Variants in CEP83 observed in about 807,000 individuals in gnomAD.
CEP83 encodes centrosomal protein of 83 kDa.
In CEP83, 70 loss-of-function variants were observed where a neutral mutation model predicts 101.9. That is an observed-to-expected ratio of 0.69 (90% CI 0.57 to 0.84). The LOEUF (loss-of-function observed/expected upper bound fraction) is 0.84. CEP83 is among the 40% of genes least tolerant of loss of function. CEP83 has a pLI of 0.00. For missense variants in CEP83, 715 were observed against 787.2 expected (o/e 0.91, Z 1.10); for synonymous variants, 264 against 267.9 (o/e 0.99, Z 0.14).
At chr12:94,347,333 T>C (rs2059989136) in intron 11 of CEP83, among the ~76,000 whole-genome samples, 1 of 151,808 alleles carries the variant, frequency 6.6e-6, no homozygotes, top group African/African-American at 2.4e-5. Context: ...ACAGAGACAA[T>C]AAAATTAAGA....
rs536880506 is a variant in CEP83 at position 94,331,639 on chromosome 12, T to C, written c.1707+61A>G. The C allele has an allele frequency of 1.2e-3, 1,787 of 1,529,768 alleles. 18 individuals are homozygous for C. Among genetic ancestry groups the C allele is most frequent in the Admixed American group, 1.0e-3 (60 of 58,618 alleles). 94.8% of individuals were successfully genotyped at this position (1,529,768 alleles called of 1,614,324 possible). On this transcript the variant is annotated intron_variant, in intron 14 of 16. Coordinates refer to ENST00000397809, the MANE Select transcript of CEP83 (RefSeq NM_016122.3). The stretch of plus-strand genomic sequence containing the variant: ...CACCTGCCTCCGCCTCCCAAAGTGC[T>C]GGGATTACAGGTGTGAGCCACCATG...
chr12:94,348,584 G>A (rs1480953681), intron 11 of CEP83, among the ~76,000 whole-genome samples: 1 of 152,090 alleles, frequency 6.6e-6, no homozygotes, highest in Non-Finnish European at 1.5e-5. Flanking sequence ...TGGCTGGATG[G>A]AGAAGAAGCT....
intron 2 of CEP83, among the ~76,000 whole-genome samples, chr12:94,434,314 T>C (rs1203775735): frequency 6.6e-6 from 1 of 152,196 alleles, no homozygotes; most frequent in Non-Finnish European, 1.5e-5. Context: ...AAAATGTTTA[T>C]ACACAAAAAA....
the CEP83 span, chr12:94,298,559 C>G: frequency 3.3e-6 from 4 of 1,194,234 alleles, no homozygotes; most frequent in Non-Finnish European, 4.7e-6. Context: ...TGTGGATTTG[C>G]TTTTGCTATT....
intron 2 of CEP83, chr12:94,424,707 C>T (rs1009367197): frequency 8.5e-5 from 136 of 1,608,684 alleles, no homozygotes; most frequent in Admixed American, 3.5e-4. Flanking sequence ...TTGTCCAGTA[C>T]GGCCTTAGTG....
At chr12:94,450,492 T>G (rs752484328) in intron 1 of CEP83, among the ~76,000 whole-genome samples, 2 of 152,188 alleles carry the variant, frequency 1.3e-5, no homozygotes, top group Non-Finnish European at 2.9e-5. Flanking sequence ...GACCTCGTGA[T>G]CCACCTGCCT....
chr12:94,437,899 T>C (rs187470753), intron 1 of CEP83, among the ~76,000 whole-genome samples: 301 of 152,314 alleles, frequency 2.0e-3, no homozygotes, highest in Middle Eastern at 3.4e-3. Flanking sequence ...TGATGTTGAA[T>C]GTAAATTGCC....
intron 14 of CEP83, among the ~76,000 whole-genome samples, chr12:94,314,164 C>G (rs1970304856): frequency 6.6e-6 from 1 of 151,984 alleles, no homozygotes; most frequent in Non-Finnish European, 1.5e-5. Context: ...AGAAAAACAC[C>G]TAAAATGTTA....
intron 6 of CEP83, among the ~76,000 whole-genome samples, chr12:94,390,305 A>G (rs73218254): frequency 0.17 from 25,704 of 151,974 alleles, 2,271 homozygotes; most frequent in African/African-American, 0.21. Context: ...CTGTTCTGTG[A>G]CGTCTGCTGG....
intron 2 of CEP83, among the ~76,000 whole-genome samples, chr12:94,413,129 CAGGCGTG>C (rs1313038520): frequency 6.6e-6 from 1 of 152,254 alleles, no homozygotes; most frequent in Non-Finnish European, 1.5e-5. Context: ...GCTGGGATTA[CAGGCGTG>C]AGCCACCACG....
chr12:94,449,803 A>G (rs2067113325), intron 1 of CEP83, among the ~76,000 whole-genome samples: 1 of 147,360 alleles, frequency 6.8e-6, no homozygotes, highest in Non-Finnish European at 1.5e-5. Context: ...AAAAAAAAAA[A>G]AAAAAGATTT....
intron 2 of CEP83, chr12:94,424,126 T>C (rs2065000224): frequency 1.9e-6 from 3 of 1,604,608 alleles, no homozygotes; most frequent in Admixed American, 1.7e-5. Context: ...AGGAAAGGTA[T>C]GGGGAGAGTG....
chr12:94,336,318 G>C (rs1364117172), intron 11 of CEP83, among the ~76,000 whole-genome samples: 1 of 152,170 alleles, frequency 6.6e-6, no homozygotes, highest in Non-Finnish European at 1.5e-5. Context: ...AACCTCATGA[G>C]GAAGACATTA....
At chr12:94,376,105 A>T in intron 7 of CEP83, 88 bp from the exon 8 acceptor site, 2 of 811,650 alleles carry the variant, frequency 2.5e-6, no homozygotes, top group East Asian at 3.3e-5. Context: ...ATTTATAATT[A>T]TACTAAAATT....
the CEP83 span, among the ~76,000 whole-genome samples, chr12:94,293,042 CTGTT>C: frequency 1.3e-5 from 2 of 152,232 alleles, no homozygotes; most frequent in East Asian, 1.9e-4. Context: ...ATAGTTTTGA[CTGTT>C]TGGGCTTTTT....
chr12:94,408,471 G>A (rs914138130), intron 4 of CEP83, among the ~76,000 whole-genome samples: 18 of 152,180 alleles, frequency 1.2e-4, no homozygotes, highest in Middle Eastern at 3.4e-3. Context: ...AGTAATTTCC[G>A]TTTTATTAGA....
chr12:94,297,857 T>G, the CEP83 span, among the ~76,000 whole-genome samples: 1 of 152,232 alleles, frequency 6.6e-6, no homozygotes, highest in South Asian at 2.1e-4. Context: ...ATTTTAAAAT[T>G]AAGAATTCTG....
chr12:94,275,121 CAGGG>C, the CEP83 span, among the ~76,000 whole-genome samples: 1 of 152,322 alleles, frequency 6.6e-6, no homozygotes, highest in Admixed American at 6.5e-5. Context: ...GCCTGGAACT[CAGGG>C]CCCTGACCCC....
At chr12:94,446,162 G>A (rs916436910) in intron 1 of CEP83, among the ~76,000 whole-genome samples, 1 of 151,978 alleles carries the variant, frequency 6.6e-6, no homozygotes, top group Non-Finnish European at 1.5e-5. Context: ...GTCACTCACT[G>A]GTTCACCAAA....
Sources: allele counts gnomAD v4.1 joint callset (sites outside exome capture counted in the v4.1 genomes callset), GRCh38; gene constraint gnomAD v4.1.1; transcripts MANE v1.5; gene names NCBI Gene and HGNC (gene_info 2026-07-23, HGNC 2026-07-21).